The following TRMT11 variants were observed in gnomAD, a reference collection of about 807,000 sequenced individuals.
TRMT11 encodes the protein tRNA (guanine(10)-N(2))-methyltransferase TRMT11.
A neutral mutation model predicts 62.8 loss-of-function variants in TRMT11; 53 were observed. The ratio of observed to expected loss-of-function variants is 0.84; its 90% CI spans 0.68 to 1.06. TRMT11 has a LOEUF of 1.06. Ranked by LOEUF, TRMT11 falls within the 50% of genes least tolerant of loss-of-function variation. The pLI, the probability that TRMT11 is intolerant of heterozygous loss-of-function variation, is 0.00. For synonymous variants in TRMT11, 188 were observed against 190.3 expected (o/e 0.99, Z 0.10); for missense variants, 556 against 553.4 (o/e 1.00, Z -0.05).
intron 21 of TRMT11, among the ~76,000 whole-genome samples, chr6:126,135,511 G>A (rs1227503825): frequency 6.6e-6 from 1 of 151,512 alleles, no homozygotes; most frequent in African/African-American, 2.4e-5. Context: ...GGTCATCAAA[G>A]AAAAACCAAG....
At position 125,988,246 on chromosome 6, in the gene TRMT11, C is replaced by G. The variant is rs562210952; in HGVS notation, c.72+1624C>G. Among the ~76,000 whole-genome samples the G allele has an allele frequency of 3.3e-5, 5 of 152,144 alleles. No individual in the cohort carries two copies. The South Asian group carries it at 1.0e-3, about 32-fold the overall frequency. ...AATTAATTGGTGATTTTTGCTAAAGCGAATATGTTGAGTTTTAGTAGGAGA... is the reference window on the plus strand; with the variant it reads ...AATTAATTGGTGATTTTTGCTAAAGGGAATATGTTGAGTTTTAGTAGGAGA... On this transcript the variant is annotated intron_variant, in intron 1 of 12. Coordinates refer to ENST00000334379, the MANE Select transcript of TRMT11 (RefSeq NM_001031712.3).
chr6:126,128,388 A>T (rs1777742522), intron 21 of TRMT11, among the ~76,000 whole-genome samples: 1 of 152,100 alleles, frequency 6.6e-6, no homozygotes, highest in Admixed American at 6.6e-5. Context: ...AATCTGGAAA[A>T]TTCTGTTAGG....
chr6:126,228,930 G>A, the TRMT11 span, among the ~76,000 whole-genome samples: 1 of 152,056 alleles, frequency 6.6e-6, no homozygotes, highest in African/African-American at 2.4e-5. Flanking sequence ...GGTCTGTTTC[G>A]ATATTCAAAT....
the TRMT11 span, among the ~76,000 whole-genome samples, chr6:126,223,099 T>G: frequency 6.6e-6 from 1 of 152,234 alleles, no homozygotes; most frequent in Non-Finnish European, 1.5e-5. Flanking sequence ...TTGGCTGGTA[T>G]GAAATTCTTG....
the TRMT11 span, among the ~76,000 whole-genome samples, chr6:126,265,637 C>T: frequency 6.6e-6 from 1 of 151,730 alleles, no homozygotes; most frequent in African/African-American, 2.4e-5. Flanking sequence ...TATAATGTTA[C>T]CTGGTATATT....
the TRMT11 span, among the ~76,000 whole-genome samples, chr6:126,254,856 A>G: frequency 6.6e-6 from 1 of 152,062 alleles, no homozygotes; most frequent in Admixed American, 6.6e-5. Flanking sequence ...ATTTCTATGG[A>G]TTTGAAATTC....
At chr6:125,990,705 GTT>G (rs1055864186) in intron 1 of TRMT11, among the ~76,000 whole-genome samples, 1 of 152,084 alleles carries the variant, frequency 6.6e-6, no homozygotes, top group Non-Finnish European at 1.5e-5. Context: ...CTGTCATTGG[GTT>G]AGATTTTTTT....
intron 12 of TRMT11, among the ~76,000 whole-genome samples, chr6:126,029,555 C>A (rs4897167): frequency 0.57 from 86,707 of 151,982 alleles, 26,197 homozygotes; most frequent in East Asian, 0.92. Flanking sequence ...ATTAATTATC[C>A]TTTTAATGGA....
rs1347824754 is a variant in TRMT11 at position 125,998,620 on chromosome 6, A to C, written c.458A>C (p.Glu153Ala). ...KKPQHVFSVLEDYGLDPNCIP... is the reference protein window; with the variant it reads ...KKPQHVFSVLADYGLDPNCIP... ...CCGCAACATGTATTTTCTGTTTTGG[A>C]GGATTATGGTTTAGACCCAAACTGC... The change falls in exon 6 of 13, where the codon GAG becomes GCG. Residue 153 changes from glutamate (E) to alanine (A), a missense_variant. Physicochemically the swap from Glu to Ala is moderately radical, Grantham distance 107. Coordinates refer to ENST00000334379, the MANE Select transcript of TRMT11 (RefSeq NM_001031712.3). The C allele has an allele frequency of 6.2e-7, 1 of 1,613,492 alleles. No individual in the cohort carries two copies. Among genetic ancestry groups the C allele is most frequent in the South Asian group, 1.1e-5 (1 of 91,042 alleles).
At chr6:126,173,213 A>C (rs1184736781), upstream of TRMT11, among the ~76,000 whole-genome samples, 1 of 152,204 alleles carries the variant, frequency 6.6e-6, no homozygotes, top group Non-Finnish European at 1.5e-5. Flanking sequence ...ATGCCTGTTT[A>C]TGGCAAAGGA....
chr6:126,008,533 C>A lies in TRMT11; in HGVS notation c.760+61C>A, dbSNP rs571172512. 38 of 1,382,908 alleles carry A rather than the reference C, an allele frequency of 2.7e-5. No homozygotes were observed. The African/African-American group carries it at 4.0e-4, about 14-fold the overall frequency. The allele number at this position is 1,382,908 out of a possible 1,614,324, so 85.7% of individuals were successfully genotyped here. On this transcript the variant is annotated intron_variant, in intron 8 of 12. Coordinates refer to ENST00000334379, the MANE Select transcript of TRMT11 (RefSeq NM_001031712.3). ...CTGTGGTGCCAAATGTACCTTTAAA[C>A]ATACAGTTGACCCTGGAAGAACACA...
chr6:126,173,302 CA>C (rs1778350824), upstream of TRMT11, among the ~76,000 whole-genome samples: 1 of 152,030 alleles, frequency 6.6e-6, no homozygotes. Flanking sequence ...TAGTACAGTG[CA>C]AAAAAGTATT....
chr6:126,012,359 T>C (rs1345965267), intron 9 of TRMT11, among the ~76,000 whole-genome samples: 1 of 152,162 alleles, frequency 6.6e-6, no homozygotes, highest in Non-Finnish European at 1.5e-5. Flanking sequence ...AGATAGTCTC[T>C]TAGCAAAAAT....
At chr6:126,030,412 C>T (rs1007519266) in intron 12 of TRMT11, among the ~76,000 whole-genome samples, 6 of 152,096 alleles carry the variant, frequency 3.9e-5, no homozygotes, top group African/African-American at 9.7e-5. Context: ...ATAAACCGAC[C>T]CATTGTTTTT....
At chr6:126,182,830 G>A (rs1393835030) in intron 1 of TRMT11, among the ~76,000 whole-genome samples, 1 of 152,024 alleles carries the variant, frequency 6.6e-6, no homozygotes, top group Non-Finnish European at 1.5e-5. Context: ...TCTGTCTTTT[G>A]ACCCTCAGAT....
intron 17 of TRMT11, among the ~76,000 whole-genome samples, chr6:126,070,301 C>T (rs1019415667): frequency 6.6e-6 from 1 of 152,118 alleles, no homozygotes; most frequent in Non-Finnish European, 1.5e-5. Flanking sequence ...CAGAGAACTT[C>T]GGCAGTGTGC....
chr6:126,090,058 T>C (rs1479819916), intron 17 of TRMT11, among the ~76,000 whole-genome samples: 1 of 152,184 alleles, frequency 6.6e-6, no homozygotes, highest in Non-Finnish European at 1.5e-5. Flanking sequence ...TGTCTGTGTG[T>C]CAAATGCCAG....
At chr6:126,009,099 TAATA>T (rs751141977) in intron 8 of TRMT11, among the ~76,000 whole-genome samples, 34 of 151,902 alleles carry the variant, frequency 2.2e-4, no homozygotes, top group Non-Finnish European at 3.7e-4. Flanking sequence ...TATAACTAAT[TAATA>T]AATATACATG....
At chr6:126,074,285 G>A (rs1776946956) in intron 17 of TRMT11, among the ~76,000 whole-genome samples, 1 of 152,156 alleles carries the variant, frequency 6.6e-6, no homozygotes, top group Non-Finnish European at 1.5e-5. Context: ...TGTGTTTAAT[G>A]CTCTCAAAGC....
Sources: gnomAD v4.1 joint callset for allele counts (sites outside exome capture counted in the v4.1 genomes callset) on GRCh38, gnomAD v4.1.1 for gene constraint, MANE v1.5 for transcripts, NCBI Gene and HGNC (gene_info 2026-07-23, HGNC 2026-07-21) for gene names.